The following C9orf85 variants were observed in gnomAD, a reference collection of about 807,000 sequenced individuals.
C9orf85 encodes chromosome 9 open reading frame 85.
C9orf85 carries 16 observed loss-of-function variants against 14.9 expected under a neutral mutation model. The observed-to-expected ratio is 1.08, with a 90% CI of 0.73 to 1.63. The LOEUF is 1.63. Ranked by LOEUF, C9orf85 falls within the 40% of genes most tolerant of loss-of-function variation. The pLI is 0.00. For synonymous variants in C9orf85, 45 were observed against 56.8 expected (o/e 0.79, Z 0.93); for missense variants, 172 against 186.1 (o/e 0.92, Z 0.44).
chr9:71,968,577 A>G (rs908547491), intron 2 of C9orf85, among the ~76,000 whole-genome samples: 1 of 152,194 alleles, frequency 6.6e-6, no homozygotes, highest in Non-Finnish European at 1.5e-5. Flanking sequence ...TTATATGCAT[A>G]GAGTTAAATC....
chr9:71,953,317 C>T (rs1822296286), intron 2 of C9orf85, among the ~76,000 whole-genome samples: 1 of 152,078 alleles, frequency 6.6e-6, no homozygotes, highest in African/African-American at 2.4e-5. Flanking sequence ...AACGCTTATC[C>T]AGGAGTCCCA....
At chr9:71,983,789 A>T (rs918907202), downstream of C9orf85, 5 of 152,204 alleles carry the variant, frequency 3.3e-5, no homozygotes, top group African/African-American at 1.2e-4. Flanking sequence ...TATTGTGGGT[A>T]TGTCCAACGT....
chr9:71,977,041 G>A (rs1353528045), downstream of C9orf85, among the ~76,000 whole-genome samples: 3 of 152,096 alleles, frequency 2.0e-5, no homozygotes, highest in South Asian at 4.1e-4. Flanking sequence ...CATGATAGGG[G>A]TACCAAACGA....
intron 1 of C9orf85, among the ~76,000 whole-genome samples, chr9:71,916,717 G>T (rs558182999): frequency 1.7e-4 from 26 of 152,240 alleles, no homozygotes; most frequent in Non-Finnish European, 1.5e-4. Flanking sequence ...CTGGATTTCA[G>T]ATTTTTTCAG....
chr9:71,964,720 A>G (rs1177980797), intron 2 of C9orf85, among the ~76,000 whole-genome samples: 1 of 152,064 alleles, frequency 6.6e-6, no homozygotes, highest in Non-Finnish European at 1.5e-5. Flanking sequence ...CCAAGAACCC[A>G]CCAATTCCGG....
Position 71,972,889 on chromosome 9 carries a change from A to G in C9orf85, c.*47A>G. 6.7e-7 allele frequency: 1 copy of G among 1,499,380 alleles called. No individual in the cohort carries two copies. Among genetic ancestry groups the G allele is most frequent in the East Asian group, 2.5e-5 (1 of 39,440 alleles). 92.9% of individuals were successfully genotyped at this position (1,499,380 alleles called of 1,614,324 possible). A position where few individuals can be genotyped will look rare whatever the true frequency, so the allele number is the denominator to read the frequency against. ...CCGGGCACAGTGGCTCACGCCTGTA[A>G]TCCCAACACTTTGGGAGGCCAAGGA... On this transcript the variant is annotated 3_prime_UTR_variant, in exon 4 of 4. Coordinates refer to ENST00000334731, the MANE Select transcript of C9orf85 (RefSeq NM_182505.5).
At chr9:71,951,034 TA>T (rs1164980106) in intron 2 of C9orf85, among the ~76,000 whole-genome samples, 4 of 152,204 alleles carry the variant, frequency 2.6e-5, no homozygotes, top group Non-Finnish European at 4.4e-5. Flanking sequence ...TCTTCAGACT[TA>T]CCTGTTTCAA....
At chr9:71,934,938 A>G (rs1203863012) in intron 1 of C9orf85, among the ~76,000 whole-genome samples, 1 of 152,150 alleles carries the variant, frequency 6.6e-6, no homozygotes, top group Non-Finnish European at 1.5e-5. Flanking sequence ...GAAACAGCCC[A>G]ATTCAAAAAT....
chr9:71,955,166 C>T (rs1206919273), intron 2 of C9orf85, among the ~76,000 whole-genome samples: 2 of 152,104 alleles, frequency 1.3e-5, no homozygotes, highest in Admixed American at 6.6e-5. Flanking sequence ...TAGTTTCTTG[C>T]ACTCAGTCCT....
intron 1 of C9orf85, among the ~76,000 whole-genome samples, chr9:71,922,033 C>T (rs1241812563): frequency 2.6e-5 from 4 of 151,860 alleles, no homozygotes; most frequent in Non-Finnish European, 5.9e-5. Flanking sequence ...CTCTGCCTCC[C>T]GTGTTCAAGC....
chr9:71,972,666 A>C, intron 3 of C9orf85, 26 bp from the exon 4 acceptor site: 1 of 1,504,200 alleles, frequency 6.6e-7, no homozygotes, highest in South Asian at 1.2e-5. Context: ...TGGGAAATAA[A>C]TAGAAATTTT....
At position 71,973,076 on chromosome 9, in the gene C9orf85, C is replaced by A; in HGVS notation, c.*234C>A. ...AGGAGGATTGCTTGAACCCTGGAGG[C>A]GGAGATTGAAGTGAGCTGAGTTCGT... is the stretch of plus-strand genomic sequence containing the variant. On this transcript the variant is annotated 3_prime_UTR_variant, in exon 4 of 4. Transcript: ENST00000334731. 4.9e-6 allele frequency: 1 copy of A among 202,428 alleles called. No individual in the cohort carries two copies. The highest frequency in any genetic ancestry group is 1.3e-4 in the South Asian group (1 of 7,558). 12.5% of individuals were successfully genotyped at this position (202,428 alleles called of 1,614,324 possible). A position where few individuals can be genotyped will look rare whatever the true frequency, so the allele number is the denominator to read the frequency against.
chr9:71,921,410 G>A (rs1292262637), intron 1 of C9orf85, among the ~76,000 whole-genome samples: 1 of 152,208 alleles, frequency 6.6e-6, no homozygotes, highest in African/African-American at 2.4e-5. Context: ...CAATTGTTCA[G>A]GCAGAGCTGA....
intron 2 of C9orf85, among the ~76,000 whole-genome samples, chr9:71,960,913 GTTT>G (rs111315320): frequency 8.0e-6 from 1 of 124,592 alleles, no homozygotes. Context: ...GTTCCAAATT[GTTT>G]TTTTTTTTTT....
chr9:71,931,487 T>C (rs543905421), intron 1 of C9orf85, among the ~76,000 whole-genome samples: 1 of 152,276 alleles, frequency 6.6e-6, no homozygotes, highest in Non-Finnish European at 1.5e-5. Context: ...CTCTCAATGG[T>C]GAAATTAAAA....
downstream of C9orf85, chr9:71,985,244 C>T (rs1476673396): frequency 6.6e-6 from 1 of 152,192 alleles, no homozygotes; most frequent in Non-Finnish European, 1.5e-5. Flanking sequence ...AGTATCCAAG[C>T]TTAGATATAT....
At chr9:71,964,704 G>A (rs1489957394) in intron 2 of C9orf85, among the ~76,000 whole-genome samples, 1 of 152,192 alleles carries the variant, frequency 6.6e-6, no homozygotes, top group African/African-American at 2.4e-5. Flanking sequence ...CTTGAAGTCA[G>A]TGAGACCAAG....
intron 3 of C9orf85, among the ~76,000 whole-genome samples, chr9:71,980,055 C>A (rs1242905345): frequency 6.6e-6 from 1 of 150,504 alleles, no homozygotes; most frequent in East Asian, 1.9e-4. Context: ...ACTCTGTCAC[C>A]CAGGCTAGAG....
At chr9:71,923,832 C>T (rs1441961906) in intron 1 of C9orf85, among the ~76,000 whole-genome samples, 2 of 152,134 alleles carry the variant, frequency 1.3e-5, no homozygotes, top group Non-Finnish European at 1.5e-5. Flanking sequence ...ATCTTGCCTA[C>T]CTAAGGATTT....
Sources: allele counts gnomAD v4.1 joint callset (sites outside exome capture counted in the v4.1 genomes callset), GRCh38; gene constraint gnomAD v4.1.1; transcripts MANE v1.5; gene names NCBI Gene and HGNC (gene_info 2026-07-23, HGNC 2026-07-21).